ARRDC3: variants seen among roughly 807,000 people sequenced by gnomAD.
ARRDC3 encodes the protein arrestin domain-containing protein 3.
Under a neutral mutation model 47.2 loss-of-function variants are expected in ARRDC3, and 10 were observed. That is an observed-to-expected ratio of 0.21 (90% CI 0.13 to 0.36). The LOEUF is 0.36. ARRDC3 is among the 10% of genes least tolerant of loss of function. ARRDC3 has a pLI of 1.00. For missense variants in ARRDC3, 381 were observed against 503.6 expected (o/e 0.76, Z 2.33); for synonymous variants, 156 against 178.3 (o/e 0.87, Z 1.00).
intron 2 of ARRDC3, among the ~76,000 whole-genome samples, chr5:91,378,287 T>C (rs1799352333): frequency 6.6e-6 from 1 of 152,110 alleles, no homozygotes; most frequent in Non-Finnish European, 1.5e-5. Flanking sequence ...TTGGTTAGTA[T>C]TAGCAGAAAA....
chr5:91,379,603 G>A (rs541313452), intron 1 of ARRDC3, among the ~76,000 whole-genome samples: 35 of 152,068 alleles, frequency 2.3e-4, no homozygotes, highest in African/African-American at 8.4e-4. Flanking sequence ...TTTTTTTGGT[G>A]AAATTATTTT....
chr5:91,380,102 G>T (rs1229705928), intron 1 of ARRDC3: 1 of 152,142 alleles, frequency 6.6e-6, no homozygotes, highest in Non-Finnish European at 1.5e-5. Context: ...TGAAGCGAGC[G>T]GCGGCGGCCG....
Position 91,375,506 on chromosome 5 carries a change from C to A in ARRDC3, c.613+5G>T. On this transcript the variant is annotated splice_donor_5th_base_variant and intron_variant, in intron 4 of 7. Transcript: ENST00000265138. Reference sequence around the variant, plus strand: ...GTTTTTTGTGGGAATCTACCTCTTACATACCTGGGGTATAGCCCTTCCTTT... The same window carrying A: ...GTTTTTTGTGGGAATCTACCTCTTAAATACCTGGGGTATAGCCCTTCCTTT... 1 of 1,592,122 alleles carries A rather than the reference C, an allele frequency of 6.3e-7. No individual in the cohort carries two copies. Among genetic ancestry groups the A allele is most frequent in the Non-Finnish European group, 8.6e-7 (1 of 1,168,704 alleles).
In ARRDC3 at chr5:91,383,085, A is replaced by G; in HGVS notation, c.8T>C (p.Leu3Pro). The G allele has an allele frequency of 6.3e-7, 1 of 1,596,576 alleles. No homozygotes were observed. Among genetic ancestry groups the G allele is most frequent in the East Asian group, 2.2e-5 (1 of 44,716 alleles). Residue 3 changes from leucine (L) to proline (P), a missense_variant, in exon 1 of 8, where the codon CTG (leucine) becomes CCG (proline). Leu to Pro is a moderately conservative substitution (Grantham distance 98, BLOSUM62 -3). Coordinates refer to ENST00000265138, the MANE Select transcript of ARRDC3 (RefSeq NM_020801.4). MV[L>P]GKVKSLTISF... is the part of the protein sequence containing the mutation. ...TATTGTCAAACTCTTCACCTTTCCC[A>G]GCACCATGTTTATAACAAAATCTAT...
In ARRDC3 at chr5:91,368,958, A is replaced by C. The variant is rs1408921908; in HGVS notation, c.*2442T>G. On this transcript the variant is annotated 3_prime_UTR_variant, in exon 8 of 8. Transcript: ENST00000265138. ...AACATTTTGGATTTTACTTTTCCTA[A>C]TTGAAAAATCAGGAATCTATCTTGA... 6.6e-6 allele frequency: 1 copy of C among 152,638 alleles called. No individual in the cohort carries two copies. The highest frequency in any genetic ancestry group is 1.9e-4 in the East Asian group (1 of 5,198). 9.5% of individuals were successfully genotyped at this position (152,638 alleles called of 1,614,324 possible).
intron 1 of ARRDC3, chr5:91,380,191 C>T: frequency 6.2e-6 from 1 of 161,588 alleles, no homozygotes; most frequent in Non-Finnish European, 1.3e-5. Flanking sequence ...CCGGCGCGAG[C>T]AGATCCCAGC....
rs773158837 is a variant in ARRDC3 at position 91,376,792 on chromosome 5, A to G, written c.363-24T>C. The G allele has an allele frequency of 1.4e-5, 22 of 1,582,878 alleles. No individual in the cohort carries two copies. In the East Asian group the frequency reaches 4.5e-4, roughly 32 times the overall value. ...GTCTGTGCAGAATATAAAGGTCAATATATTAATTTTATACCTCTTTCTAAC... is the reference window on the plus strand; with the variant it reads ...GTCTGTGCAGAATATAAAGGTCAATGTATTAATTTTATACCTCTTTCTAAC... On this transcript the variant is annotated intron_variant, in intron 2 of 7. Transcript: ENST00000265138.
In ARRDC3 at chr5:91,370,656, T is replaced by A. The variant is rs576076431; in HGVS notation, c.*744A>T. On this transcript the variant is annotated 3_prime_UTR_variant, in exon 8 of 8. Coordinates refer to ENST00000265138, the MANE Select transcript of ARRDC3 (RefSeq NM_020801.4). The stretch of plus-strand genomic sequence containing the variant: ...ATTCTTAAAAGAAACCAAGAAGGTA[T>A]ACAATCTTGACAGTCTCTTATTAGC... The A allele has an allele frequency of 1.3e-5, 2 of 152,740 alleles. No homozygotes were observed. The highest frequency in any genetic ancestry group is 1.9e-4 in the East Asian group (1 of 5,190). The allele number at this position is 152,740 out of a possible 1,614,324, so 9.5% of individuals were successfully genotyped here.
chr5:91,380,126 A>G (rs1481066421), intron 1 of ARRDC3: 1 of 152,694 alleles, frequency 6.5e-6, no homozygotes, highest in Non-Finnish European at 1.5e-5. Flanking sequence ...CGTGGTAAAC[A>G]AGTGCCGGGC....
In ARRDC3 at chr5:91,374,939, C is replaced by T. The variant is rs1348023878; in HGVS notation, c.853G>A (p.Val285Met). Residue 285 changes from valine (V) to methionine (M), a missense_variant, in exon 5 of 8, where the codon GTG (valine) becomes ATG (methionine). Physicochemically the swap from Val to Met is conservative, Grantham distance 21. Transcript: ENST00000265138. ...GTACATACCATTAGTGAATATTCCA[C>T]GCGGATTATACTACAGTCGAGGATA... ...PSILDCSIIR[V>M]EYSLMVYVDI... 5 of 1,614,104 alleles carry T rather than the reference C, an allele frequency of 3.1e-6. No individual in the cohort carries two copies. Among genetic ancestry groups the T allele is most frequent in the Non-Finnish European group, 4.2e-6 (5 of 1,179,992 alleles).
chr5:91,380,734 C>G (rs1799434428), intron 1 of ARRDC3: 2 of 152,332 alleles, frequency 1.3e-5, no homozygotes, highest in Admixed American at 1.3e-4. Flanking sequence ...CAACTTCCAT[C>G]TGAAAAGGAT....
chr5:91,377,987 A>G (rs1001604623), intron 2 of ARRDC3, among the ~76,000 whole-genome samples: 5 of 152,248 alleles, frequency 3.3e-5, no homozygotes, highest in African/African-American at 1.2e-4. Context: ...GCCATTTTGC[A>G]GGTTTTAATA....
chr5:91,375,063 T>G lies in ARRDC3; in HGVS notation c.729A>C (p.Val243=). The G allele has an allele frequency of 6.2e-7, 1 of 1,614,242 alleles. No individual in the cohort carries two copies. The highest frequency in any genetic ancestry group is 8.5e-7 in the Non-Finnish European group (1 of 1,180,036). ...CACGCAAGTTAGCCACAAGCTGTTT[T>G]ACTTCCTTCATTTTCCCTTTGGCAT... is the stretch of plus-strand genomic sequence containing the variant. ...AFYAKGKMKE[V]KQLVANLRGE... The change falls in exon 5 of 8, where the codon GTA becomes GTC. Residue 243 remains valine (V), a synonymous_variant. Coordinates refer to ENST00000265138, the MANE Select transcript of ARRDC3 (RefSeq NM_020801.4).
chr5:91,372,594 T>C (rs1483603726), intron 7 of ARRDC3, among the ~76,000 whole-genome samples: 3 of 152,158 alleles, frequency 2.0e-5, no homozygotes. Context: ...AGAAATTGTA[T>C]GTATTAGAAA....
chr5:91,372,257 A>G (rs769558450), intron 7 of ARRDC3, among the ~76,000 whole-genome samples: 1 of 152,174 alleles, frequency 6.6e-6, no homozygotes, highest in Non-Finnish European at 1.5e-5. Context: ...GAACAACCCA[A>G]ATTGCCTCAG....
chr5:91,382,591 A>G (rs114553281), intron 1 of ARRDC3, among the ~76,000 whole-genome samples: 36 of 152,366 alleles, frequency 2.4e-4, no homozygotes, highest in Middle Eastern at 3.4e-3. Flanking sequence ...CCGGGTACAG[A>G]GGTAGCTGAA....
In ARRDC3 at chr5:91,382,914, GTC is replaced by G; in HGVS notation, c.177_178del (p.Trp59CysfsTer2). 1 of 1,614,156 alleles carries G rather than the reference GTC, an allele frequency of 6.2e-7. No individual in the cohort carries two copies. The highest frequency in any genetic ancestry group is 8.5e-7 in the Non-Finnish European group (1 of 1,180,018). ...ATTGGAGCCGGCGTTTCTAGATTCA[GTC>G]CAGCGTACTTTCGCATGTCCTCTTG... On this transcript the variant is annotated frameshift_variant, in exon 1 of 8. Transcript: ENST00000265138. LOFTEE classifies it high-confidence loss of function.
chr5:91,375,041 G>C lies in ARRDC3; in HGVS notation c.751C>G (p.Arg251Gly). 1 of 1,614,112 alleles carries C rather than the reference G, an allele frequency of 6.2e-7. No homozygotes were observed. The highest frequency in any genetic ancestry group is 1.1e-5 in the South Asian group (1 of 91,074). ...TTTCCAGATGATAAGGATTCCCCAC[G>C]CAAGTTAGCCACAAGCTGTTTTACT... ...KEVKQLVANL[R>G]GESLSSGKTE... Residue 251 changes from arginine to glycine, a missense_variant, in exon 5 of 8, where the codon CGT becomes GGT. By Grantham distance (125) the Arg-to-Gly change is moderately radical. Transcript: ENST00000265138.
At chr5:91,382,611 T>G (rs1799477945) in intron 1 of ARRDC3, among the ~76,000 whole-genome samples, 1 of 152,230 alleles carries the variant, frequency 6.6e-6, no homozygotes, top group East Asian at 1.9e-4. Flanking sequence ...ATAAGTGTAG[T>G]TTGCAGTCAC....
Sources: allele counts gnomAD v4.1 joint callset (sites outside exome capture counted in the v4.1 genomes callset), GRCh38; gene constraint gnomAD v4.1.1; transcripts MANE v1.5; gene names NCBI Gene and HGNC (gene_info 2026-07-23, HGNC 2026-07-21).